The following HTR2A variants were observed in gnomAD, a reference collection of about 807,000 sequenced individuals.
HTR2A encodes the protein 5-hydroxytryptamine receptor 2A, also known as 5-HT2 receptor.
Under a neutral mutation model 31.0 loss-of-function variants are expected in HTR2A, and 14 were observed. That is an observed-to-expected ratio of 0.45 (90% CI 0.30 to 0.71). The LOEUF (loss-of-function observed/expected upper bound fraction) is 0.71, where lower values mean the gene tolerates loss of function less well. Ranked by LOEUF, HTR2A falls within the 30% of genes least tolerant of loss-of-function variation. HTR2A has a pLI of 0.09. For missense variants in HTR2A, 442 were observed against 573.3 expected (o/e 0.77, Z 2.34); for synonymous variants, 209 against 225.2 (o/e 0.93, Z 0.64).
intron 3 of HTR2A, among the ~76,000 whole-genome samples, chr13:46,850,533 G>A (rs896090741): frequency 1.6e-4 from 25 of 152,126 alleles, no homozygotes; most frequent in African/African-American, 5.3e-4. Context: ...GCACACTTTC[G>A]CCATCAGGTA....
intron 3 of HTR2A, 31 bp downstream of exon 3, chr13:46,892,359 A>G (rs1240783043): frequency 7.5e-6 from 12 of 1,595,996 alleles, no homozygotes; most frequent in Admixed American, 1.7e-5. Flanking sequence ...CTGTCATTTC[A>G]AATGAGACTC....
chr13:46,844,436 G>A lies in HTR2A; in HGVS notation c.614-8797C>T, dbSNP rs139579081. On this transcript the variant is annotated intron_variant, in intron 3 of 3. Transcript: ENST00000542664. The stretch of plus-strand genomic sequence containing the variant: ...GGTGGAAAAAAGAAAATGGACATTT[G>A]TATGATACAAAATTTGTATACTACA... Among the ~76,000 whole-genome samples the A allele has an allele frequency of 2.4e-4, 37 of 152,310 alleles. 1 individual carries two copies. The East Asian group carries it at 3.5e-3, about 14-fold the overall frequency.
intron 3 of HTR2A, among the ~76,000 whole-genome samples, chr13:46,841,938 T>G (rs1950600844): frequency 6.6e-6 from 1 of 152,192 alleles, no homozygotes. Context: ...TAATATAATT[T>G]GAATAAATAA....
chr13:46,843,427 G>A (rs1189174580), intron 3 of HTR2A, among the ~76,000 whole-genome samples: 1 of 152,194 alleles, frequency 6.6e-6, no homozygotes, highest in Non-Finnish European at 1.5e-5. Context: ...CTGTTAGAGT[G>A]AGAGGTCCAT....
intron 2 of HTR2A, among the ~76,000 whole-genome samples, chr13:46,894,574 C>T (rs1449171999): frequency 6.6e-6 from 1 of 152,180 alleles, no homozygotes; most frequent in Non-Finnish European, 1.5e-5. Flanking sequence ...AATCTTAGCC[C>T]CTAAGACTTG....
rs546222352 is a variant in HTR2A, at chr13:46,833,336, C to T, written c.*1501G>A. 1.3e-5 allele frequency: 2 copies of T among 152,014 alleles called. No individual in the cohort carries two copies. The highest frequency in any genetic ancestry group is 3.9e-4 in the East Asian group (2 of 5,184). The allele number at this position is 152,014 out of a possible 1,614,324, so 9.4% of individuals were successfully genotyped here. A position where few individuals can be genotyped will look rare whatever the true frequency, so the allele number is the denominator to read the frequency against. ...TCTGTATATATTTTTTGACTAAGAC[C>T]ATTTCAGTTTAGTCATTTTCTTTTT... On this transcript the variant is annotated 3_prime_UTR_variant, in exon 4 of 4. Coordinates refer to ENST00000542664, the MANE Select transcript of HTR2A (RefSeq NM_000621.5).
rs11394720 is a variant in HTR2A at position 46,845,643 on chromosome 13, CAAAAAA to C, written c.614-10010_614-10005del. Among the ~76,000 whole-genome samples the C allele has an allele frequency of 3.2e-3, 359 of 112,970 alleles. 4 individuals are homozygous for C. The highest frequency in any genetic ancestry group is 0.011 in the African/African-American group (349 of 31,328). The allele number at this position is 112,970 out of a possible 152,430, so 74.1% of individuals were successfully genotyped here. A position where few individuals can be genotyped will look rare whatever the true frequency, so the allele number is the denominator to read the frequency against. ...ACTACCATTCATTAATTCATCACTC[CAAAAAA>C]AAAAAAAAAAAGAAAAAAAGACTAG... On this transcript the variant is annotated intron_variant, in intron 3 of 3. Coordinates refer to ENST00000542664, the MANE Select transcript of HTR2A (RefSeq NM_000621.5).
chr13:46,853,917 A>T (rs1950711045), intron 3 of HTR2A: 1 of 152,108 alleles, frequency 6.6e-6, no homozygotes, highest in South Asian at 2.1e-4. Flanking sequence ...TTTTTGATTC[A>T]CCAATCTTTT....
chr13:46,851,538 T>C (rs1950684918), intron 3 of HTR2A, among the ~76,000 whole-genome samples: 1 of 152,214 alleles, frequency 6.6e-6, no homozygotes, highest in African/African-American at 2.4e-5. Context: ...ACGGAATATT[T>C]ATATAATGGA....
At chr13:46,853,331 T>C (rs1207021313) in intron 3 of HTR2A, among the ~76,000 whole-genome samples, 5 of 152,116 alleles carry the variant, frequency 3.3e-5, no homozygotes, top group Admixed American at 3.3e-4. Flanking sequence ...TCCATACTCA[T>C]CTGCCTGGGC....
At chr13:46,851,440 T>C (rs1204154417) in intron 3 of HTR2A, among the ~76,000 whole-genome samples, 1 of 152,212 alleles carries the variant, frequency 6.6e-6, no homozygotes, top group Non-Finnish European at 1.5e-5. Flanking sequence ...TTTAATATCC[T>C]GTGGAGAAGT....
At chr13:46,875,074 T>C (rs1408050083) in intron 3 of HTR2A, among the ~76,000 whole-genome samples, 2 of 152,234 alleles carry the variant, frequency 1.3e-5, no homozygotes, top group African/African-American at 4.8e-5. Context: ...AGACCTTTGA[T>C]TTCTGTAGCA....
intron 3 of HTR2A, among the ~76,000 whole-genome samples, chr13:46,885,813 A>G (rs1269871484): frequency 6.6e-6 from 1 of 152,222 alleles, no homozygotes; most frequent in Non-Finnish European, 1.5e-5. Context: ...TTTAGATTAT[A>G]TTGCCATGAC....
intron 3 of HTR2A, among the ~76,000 whole-genome samples, chr13:46,863,987 A>G (rs1469282370): frequency 6.6e-6 from 1 of 152,184 alleles, no homozygotes; most frequent in African/African-American, 2.4e-5. Flanking sequence ...TTGCAGCACT[A>G]TTCACAATAG....
At chr13:46,882,413 A>G (rs9567746) in intron 3 of HTR2A, among the ~76,000 whole-genome samples, 22,546 of 152,194 alleles carry the variant, frequency 0.15, 1,858 homozygotes, top group East Asian at 0.2. Flanking sequence ...CTGGGACAAT[A>G]GGTTGCCATG....
chr13:46,852,130 A>G (rs3742279), intron 3 of HTR2A: 43,955 of 152,236 alleles, frequency 0.29, 6,980 homozygotes, highest in East Asian at 0.52. Flanking sequence ...GGCCAGTGAC[A>G]TATTTTTTCC....
chr13:46,886,547 A>G (rs1404429661), intron 3 of HTR2A, among the ~76,000 whole-genome samples: 7 of 152,202 alleles, frequency 4.6e-5, no homozygotes, highest in African/African-American at 2.4e-5. Context: ...ATTAAAAATG[A>G]AAAGGTGAGA....
intron 3 of HTR2A, among the ~76,000 whole-genome samples, chr13:46,840,441 G>A (rs1950589743): frequency 1.3e-5 from 2 of 152,052 alleles, no homozygotes; most frequent in Non-Finnish European, 2.9e-5. Flanking sequence ...ATAATAAATT[G>A]CAACTTTTCA....
intron 3 of HTR2A, among the ~76,000 whole-genome samples, chr13:46,850,135 A>G (rs1045126900): frequency 6.6e-6 from 1 of 152,204 alleles, no homozygotes; most frequent in Non-Finnish European, 1.5e-5. Flanking sequence ...AAAGCTAGTT[A>G]ATTTGAGGAC....
Sources: allele counts gnomAD v4.1 joint callset (sites outside exome capture counted in the v4.1 genomes callset), GRCh38; gene constraint gnomAD v4.1.1; transcripts MANE v1.5; gene names NCBI Gene and HGNC (gene_info 2026-07-23, HGNC 2026-07-21).